The following DLG2 variants were observed in gnomAD, a reference collection of about 807,000 sequenced individuals.
The protein encoded by DLG2 is disks large homolog 2.
DLG2 carries 45 observed loss-of-function variants against 132.5 expected under a neutral mutation model. The observed-to-expected ratio is 0.34, with a 90% CI of 0.27 to 0.44. The LOEUF (loss-of-function observed/expected upper bound fraction) is 0.44, where lower values mean the gene tolerates loss of function less well. Among genes scored for constraint, DLG2 ranks in the 20% least tolerant of loss-of-function variants. The pLI is 1.00. For synonymous variants in DLG2, 424 were observed against 419.6 expected, an observed-to-expected ratio of 1.01 and a Z score of -0.13; for missense variants, 1,045 against 1,196.9, an observed-to-expected ratio of 0.87 and a Z score of 1.87.
rs575323053 is a variant in DLG2 at position 84,015,272 on chromosome 11, T to C, written c.920-34630A>G. On this transcript the variant is annotated intron_variant, in intron 11 of 27. Transcript: ENST00000376104. ...AGCATGTGCCAAGTAGAAAGATGATTACGTATGAAAGCTCTATTAGCACTC... is the reference window on the plus strand; with the variant it reads ...AGCATGTGCCAAGTAGAAAGATGATCACGTATGAAAGCTCTATTAGCACTC... Among the ~76,000 whole-genome samples, 16 of 152,270 alleles carry C rather than the reference T, an allele frequency of 1.1e-4. No homozygotes were observed. The South Asian group carries it at 1.5e-3, about 14-fold the overall frequency.
chr11:83,984,192 TGATAGATAGATAGATAGATA>T (rs56166694), intron 11 of DLG2, among the ~76,000 whole-genome samples: 50 of 142,156 alleles, frequency 3.5e-4, no homozygotes, highest in African/African-American at 8.0e-4. Context: ...GATAGATAGA[TGATAGATAGATAGATAGATA>T]GATAGATAGA....
At chr11:84,705,250 G>C (rs1464349218) in intron 6 of DLG2, among the ~76,000 whole-genome samples, 1 of 151,652 alleles carries the variant, frequency 6.6e-6, no homozygotes, top group East Asian at 1.9e-4. Flanking sequence ...CCTACACATA[G>C]GGGAATTTTC....
chr11:84,391,118 G>A (rs903148872), intron 7 of DLG2, among the ~76,000 whole-genome samples: 1 of 152,228 alleles, frequency 6.6e-6, no homozygotes, highest in African/African-American at 2.4e-5. Context: ...ATGTCACTAG[G>A]TTTAGTTGTA....
chr11:85,171,042 C>T (rs1246955272), intron 4 of DLG2, among the ~76,000 whole-genome samples: 1 of 151,998 alleles, frequency 6.6e-6, no homozygotes, highest in African/African-American at 2.4e-5. Context: ...CCGGAAGACA[C>T]CATAGTAATA....
chr11:85,035,899 T>C (rs1034133281), intron 6 of DLG2, among the ~76,000 whole-genome samples: 1 of 152,238 alleles, frequency 6.6e-6, no homozygotes, highest in Non-Finnish European at 1.5e-5. Flanking sequence ...TGTTTATTTC[T>C]AAATATGTGT....
chr11:85,618,265 C>T (rs2081471186), intron 2 of DLG2, among the ~76,000 whole-genome samples: 1 of 151,698 alleles, frequency 6.6e-6, no homozygotes, highest in Non-Finnish European at 1.5e-5. Flanking sequence ...ATTCCCTTAT[C>T]CCAATCAAAA....
Position 84,283,648 on chromosome 11 carries a change from AG to A in DLG2, c.520-32358del, listed in dbSNP as rs2097877629. ...CCTAGTCTAAAGGATGTAACCTCCT[AG>A]TTTTCTTCCTCCCTGAATCCTATTT... On this transcript the variant is annotated intron_variant, in intron 7 of 27. Coordinates refer to ENST00000376104, the MANE Select transcript of DLG2 (RefSeq NM_001142699.3). 2.6e-5 allele frequency among the ~76,000 whole-genome samples: 4 copies of A among 152,184 alleles called. 1 individual carries two copies. In the South Asian group the frequency reaches 8.3e-4, roughly 32 times the overall value.
chr11:84,162,868 C>CT (rs2095577611), intron 9 of DLG2, among the ~76,000 whole-genome samples: 1 of 151,974 alleles, frequency 6.6e-6, no homozygotes, highest in Non-Finnish European at 1.5e-5. Context: ...TTTTTGGTCA[C>CT]TTTTTTCTAC....
chr11:85,117,632 G>A (rs1003938510), intron 5 of DLG2, among the ~76,000 whole-genome samples: 5 of 144,026 alleles, frequency 3.5e-5, no homozygotes, highest in African/African-American at 1.3e-4. Flanking sequence ...AAAAGTAATC[G>A]TAAATAGGAA....
chr11:83,484,719 A>C (rs2093387619), intron 21 of DLG2, among the ~76,000 whole-genome samples: 1 of 152,116 alleles, frequency 6.6e-6, no homozygotes, highest in African/African-American at 2.4e-5. Context: ...TATTGGAGAA[A>C]CTGGTTTTCT....
intron 18 of DLG2, among the ~76,000 whole-genome samples, chr11:83,668,411 T>A (rs2076107405): frequency 6.6e-6 from 1 of 152,182 alleles, no homozygotes; most frequent in Non-Finnish European, 1.5e-5. Context: ...AGCTCCATAC[T>A]TTTGTATAGG....
chr11:85,464,327 G>A (rs1364830473), intron 3 of DLG2, among the ~76,000 whole-genome samples: 1 of 152,110 alleles, frequency 6.6e-6, no homozygotes, highest in African/African-American at 2.4e-5. Context: ...CCTCACAGAA[G>A]AACTGGAGTT....
intron 3 of DLG2, among the ~76,000 whole-genome samples, chr11:85,528,373 G>A (rs777329559): frequency 6.6e-6 from 1 of 152,188 alleles, no homozygotes; most frequent in Non-Finnish European, 1.5e-5. Flanking sequence ...TAAGGTGTAA[G>A]GAAGGGGTCC....
intron 11 of DLG2, among the ~76,000 whole-genome samples, chr11:84,044,965 G>T (rs1206002232): frequency 6.6e-6 from 1 of 151,656 alleles, no homozygotes; most frequent in Non-Finnish European, 1.5e-5. Context: ...GCATTAAGTT[G>T]TGCTCCACTG....
At chr11:84,428,183 T>C (rs1363520865) in intron 7 of DLG2, among the ~76,000 whole-genome samples, 1 of 152,184 alleles carries the variant, frequency 6.6e-6, no homozygotes, top group Non-Finnish European at 1.5e-5. Context: ...AAAAAATATA[T>C]TACCATTTTA....
At chr11:84,273,059 C>A (rs1567143933) in intron 7 of DLG2, 12 of 1,109,168 alleles carry the variant, frequency 1.1e-5, no homozygotes, top group Middle Eastern at 5.1e-4. Flanking sequence ...ATCAAATGCA[C>A]AGAATTTATA....
intron 3 of DLG2, among the ~76,000 whole-genome samples, chr11:85,416,090 G>A (rs2089816656): frequency 6.6e-6 from 1 of 152,174 alleles, no homozygotes; most frequent in Non-Finnish European, 1.5e-5. Context: ...TTCCGCATAT[G>A]GCTAGCCAGT....
intron 21 of DLG2, among the ~76,000 whole-genome samples, chr11:83,530,807 C>A (rs1240564428): frequency 6.6e-6 from 1 of 151,874 alleles, no homozygotes; most frequent in African/African-American, 2.4e-5. Context: ...TCTCTTTTTG[C>A]ATGTATATCT....
At chr11:84,749,809 C>G (rs1210597912) in intron 6 of DLG2, among the ~76,000 whole-genome samples, 1 of 152,228 alleles carries the variant, frequency 6.6e-6, no homozygotes, top group East Asian at 1.9e-4. Context: ...TGGATTCCCC[C>G]TGCTGTTGGT....
Sources: gnomAD v4.1 joint callset for allele counts (sites outside exome capture counted in the v4.1 genomes callset) on GRCh38, gnomAD v4.1.1 for gene constraint, MANE v1.5 for transcripts, NCBI Gene and HGNC (gene_info 2026-07-23, HGNC 2026-07-21) for gene names.